ALG6: variants seen among roughly 807,000 people sequenced by gnomAD.
ALG6 encodes the protein ALG6 alpha-1,3-glucosyltransferase.
Under a neutral mutation model 66.6 loss-of-function variants are expected in ALG6, and 46 were observed. That is an observed-to-expected ratio of 0.69 (90% CI 0.55 to 0.88). The LOEUF is 0.88. ALG6 is among the 40% of genes least tolerant of loss of function. ALG6 has a pLI of 0.00. For missense variants in ALG6, 505 were observed against 586.8 expected (o/e 0.86, Z 1.44); for synonymous variants, 185 against 203.7 (o/e 0.91, Z 0.78).
intron 2 of ALG6, among the ~76,000 whole-genome samples, chr1:63,378,752 G>GT (rs1175233250): frequency 6.6e-6 from 1 of 151,670 alleles, no homozygotes; most frequent in Non-Finnish European, 1.5e-5. Context: ...TCTGTCTTCT[G>GT]TGTTTCATAA....
At chr1:63,421,101 G>T (rs1644570771) in intron 12 of ALG6, among the ~76,000 whole-genome samples, 1 of 151,856 alleles carries the variant, frequency 6.6e-6, no homozygotes, top group African/African-American at 2.4e-5. Flanking sequence ...TAAATACCAT[G>T]ATGGAGAAAT....
At chr1:63,430,160 C>T (rs760135172) in intron 14 of ALG6, among the ~76,000 whole-genome samples, 12 of 152,176 alleles carry the variant, frequency 7.9e-5, no homozygotes, top group Non-Finnish European at 1.5e-4. Flanking sequence ...GGATTACAGG[C>T]ATGAGCCACT....
intron 2 of ALG6, among the ~76,000 whole-genome samples, chr1:63,382,650 T>G (rs1454947640): frequency 3.3e-4 from 8 of 24,460 alleles, no homozygotes; most frequent in Admixed American, 1.0e-3. Context: ...AGTTTTTTTT[T>G]GTTTGTTTTT....
intron 12 of ALG6, chr1:63,428,333 T>C (rs965726184): frequency 1.2e-5 from 2 of 162,102 alleles, no homozygotes; most frequent in Non-Finnish European, 2.7e-5. Flanking sequence ...CGGAGTAATA[T>C]GTAACATGAA....
rs553683233 is a variant in ALG6 at position 63,430,057 on chromosome 1, A to C, written c.1326+931A>C. On this transcript the variant is annotated intron_variant, in intron 14 of 14. Coordinates refer to ENST00000263440, the MANE Select transcript of ALG6 (RefSeq NM_013339.4). ...GCCACCATGCCCAGCTAAATTTTGT[A>C]TTTTTAGTAGAGATGGGATTTCAGT... is the stretch of plus-strand genomic sequence containing the variant. 2.0e-5 allele frequency among the ~76,000 whole-genome samples: 3 copies of C among 151,996 alleles called. No homozygotes were observed. The South Asian group carries it at 6.2e-4, about 32-fold the overall frequency.
At chr1:63,409,915 C>T (rs1644508059) in intron 7 of ALG6, among the ~76,000 whole-genome samples, 1 of 152,090 alleles carries the variant, frequency 6.6e-6, no homozygotes, top group Admixed American at 6.6e-5. Flanking sequence ...GAAAAATATG[C>T]CCTCTTTTGT....
chr1:63,407,868 T>A (rs1644497788), intron 7 of ALG6, among the ~76,000 whole-genome samples: 1 of 152,192 alleles, frequency 6.6e-6, no homozygotes, highest in Non-Finnish European at 1.5e-5. Flanking sequence ...AGTCTGTAGT[T>A]GTTTTTATCA....
chr1:63,373,134 G>A (rs1169686726), intron 2 of ALG6, among the ~76,000 whole-genome samples: 1 of 151,860 alleles, frequency 6.6e-6, no homozygotes, highest in Admixed American at 6.6e-5. Flanking sequence ...AGCCTACCAA[G>A]TAGCTGGAAA....
At position 63,404,392 on chromosome 1, in the gene ALG6, A is replaced by T. The variant is rs1644480366; in HGVS notation, c.258-61A>T. On this transcript the variant is annotated intron_variant, in intron 4 of 14. Transcript: ENST00000263440. The stretch of plus-strand genomic sequence containing the variant: ...TATTAATACATTCATATATCCTTCA[A>T]TATCTTTATTGCTAAAAGGGATGAG... 3.8e-6 allele frequency: 5 copies of T among 1,307,604 alleles called. No homozygotes were observed. In the African/African-American group the frequency reaches 5.8e-5, roughly 15 times the overall value. 81.0% of individuals were successfully genotyped at this position (1,307,604 alleles called of 1,614,324 possible). A position where few individuals can be genotyped will look rare whatever the true frequency, so the allele number is the denominator to read the frequency against.
At chr1:63,417,901 C>T (rs576465668) in intron 11 of ALG6, among the ~76,000 whole-genome samples, 5 of 152,044 alleles carry the variant, frequency 3.3e-5, no homozygotes, top group African/African-American at 7.2e-5. Context: ...TTTGGGAGGC[C>T]GAGGCAGGTG....
intron 2 of ALG6, among the ~76,000 whole-genome samples, chr1:63,396,052 A>G (rs1476899653): frequency 3.9e-5 from 6 of 152,216 alleles, no homozygotes; most frequent in Non-Finnish European, 8.8e-5. Context: ...CAGAGGTTAT[A>G]TGCAAATACT....
At chr1:63,427,363 CAT>C (rs1174778464) in intron 12 of ALG6, among the ~76,000 whole-genome samples, 3 of 151,804 alleles carry the variant, frequency 2.0e-5, no homozygotes, top group Non-Finnish European at 4.4e-5. Context: ...GTTTAAATCT[CAT>C]ATATTAGTTG....
rs188026783 is a variant in ALG6, at chr1:63,402,655, C to T, written c.257+312C>T. Among the ~76,000 whole-genome samples, 15 of 150,422 alleles carry T rather than the reference C, an allele frequency of 1.0e-4. No homozygotes were observed. In the East Asian group the frequency reaches 2.4e-3, roughly 24 times the overall value. ...CTAATGTTTGTATTTTTAGTAGAGA[C>T]GGGGTTTCACCATGTTGGCCAAGCT... On this transcript the variant is annotated intron_variant, in intron 4 of 14. Transcript: ENST00000263440.
Position 63,416,614 on chromosome 1 carries a change from G to A in ALG6, c.987+657G>A, listed in dbSNP as rs150709066. ...TTGAAAATCTTGGTTGAAAAGGTTT[G>A]GAGTTTGATTTGTGTGCAAGAGAAA... is the stretch of plus-strand genomic sequence containing the variant. On this transcript the variant is annotated intron_variant, in intron 11 of 14. Transcript: ENST00000263440. Among the ~76,000 whole-genome samples, 44 of 152,214 alleles carry A rather than the reference G, an allele frequency of 2.9e-4. No homozygotes were observed. The East Asian group carries it at 5.8e-3, about 20-fold the overall frequency.
chr1:63,402,217 T>G (rs1462826306), intron 3 of ALG6, 37 bp from the exon 4 acceptor site: 2 of 1,229,216 alleles, frequency 1.6e-6, no homozygotes, highest in South Asian at 2.4e-5. Context: ...GAATATTGAT[T>G]AACGGAATGG....
chr1:63,397,768 T>TC, intron 3 of ALG6, among the ~76,000 whole-genome samples: 2 of 152,264 alleles, frequency 1.3e-5, no homozygotes, highest in East Asian at 3.9e-4. Context: ...CTGTCTGAGT[T>TC]CAGATCCCAG....
intron 10 of ALG6, 148 bp from the exon 11 acceptor site, chr1:63,415,725 C>T: frequency 2.0e-6 from 1 of 501,246 alleles, no homozygotes; most frequent in Non-Finnish European, 3.5e-6. Context: ...GTTATTTCAT[C>T]TTTAAATTTA....
At chr1:63,422,110 TATATATAA>T (rs1332549231) in intron 12 of ALG6, among the ~76,000 whole-genome samples, 7 of 77,292 alleles carry the variant, frequency 9.1e-5, no homozygotes, top group East Asian at 4.4e-4. Context: ...TAAATATAAA[TATATATAA>T]ATATATAAAT....
intron 12 of ALG6, among the ~76,000 whole-genome samples, chr1:63,420,839 C>T (rs946699146): frequency 4.1e-5 from 6 of 147,660 alleles, no homozygotes; most frequent in African/African-American, 1.0e-4. Context: ...CCAGCCTGGG[C>T]GACAGACTGA....
Sources: gnomAD v4.1 joint callset for allele counts (sites outside exome capture counted in the v4.1 genomes callset) on GRCh38, gnomAD v4.1.1 for gene constraint, MANE v1.5 for transcripts, NCBI Gene and HGNC (gene_info 2026-07-23, HGNC 2026-07-21) for gene names.